The following MYBL2 variants were observed in gnomAD, a reference collection of about 807,000 sequenced individuals.
The protein encoded by MYBL2 is myb-related protein B.
A neutral mutation model predicts 79.9 loss-of-function variants in MYBL2; 28 were observed. That is an observed-to-expected ratio of 0.35 (90% CI 0.26 to 0.48). The LOEUF (loss-of-function observed/expected upper bound fraction) is 0.48. MYBL2 is among the 20% of genes least tolerant of loss of function. The pLI is 0.99. For missense variants in MYBL2, 735 were observed against 893.9 expected, an observed-to-expected ratio of 0.82 and a Z score of 2.27; for synonymous variants, 378 against 361.2, an observed-to-expected ratio of 1.05 and a Z score of -0.53.
intron 6 of MYBL2, among the ~76,000 whole-genome samples, chr20:43,697,652 C>A (rs930984371): frequency 6.6e-6 from 1 of 151,916 alleles, no homozygotes; most frequent in East Asian, 1.9e-4. Context: ...GCCTGTAATC[C>A]CAGCACTTTG....
chr20:43,669,183 C>G (rs530300695), intron 1 of MYBL2, among the ~76,000 whole-genome samples: 4 of 152,102 alleles, frequency 2.6e-5, no homozygotes, highest in Admixed American at 2.6e-4. Flanking sequence ...AGTGGCCTCG[C>G]GTTGTGTCTC....
At chr20:43,670,781 A>G (rs775413035) in intron 1 of MYBL2, among the ~76,000 whole-genome samples, 1 of 152,150 alleles carries the variant, frequency 6.6e-6, no homozygotes, top group Non-Finnish European at 1.5e-5. Flanking sequence ...CATTTGTTTC[A>G]TTTCCAAACA....
At position 43,701,628 on chromosome 20, in the gene MYBL2, AG is replaced by A. The variant is rs148363237; in HGVS notation, c.952-861del. ...ATGAAAGGGAAAGTAATGCTTCCCT[AG>A]CAGAATTGTGGGGATTGGAAATAAC... On this transcript the variant is annotated intron_variant, in intron 7 of 13. Coordinates refer to ENST00000217026, the MANE Select transcript of MYBL2 (RefSeq NM_002466.4). Among the ~76,000 whole-genome samples the A allele has an allele frequency of 7.5e-3, 1,146 of 152,348 alleles. 13 individuals carry two copies. Among genetic ancestry groups the A allele is most frequent in the African/African-American group, 0.026 (1,071 of 41,568 alleles).
chr20:43,704,830 C>T (rs1350570462), intron 8 of MYBL2, among the ~76,000 whole-genome samples: 2 of 152,176 alleles, frequency 1.3e-5, no homozygotes, highest in Admixed American at 1.3e-4. Flanking sequence ...ATGATAACCC[C>T]ACCGCCACCA....
intron 9 of MYBL2, among the ~76,000 whole-genome samples, chr20:43,707,450 C>T (rs1987816270): frequency 6.6e-6 from 1 of 152,214 alleles, no homozygotes; most frequent in African/African-American, 2.4e-5. Context: ...CAGTGCTCTT[C>T]ATTCCTCTTT....
In MYBL2 at chr20:43,700,068, A is replaced by G. The variant is rs761573924; in HGVS notation, c.951+24A>G. ...CGGTATGTTGGTCACAACACTTCACAGTGAGCACAGAACACCCCCAGCAGG... is the reference window on the plus strand; with the variant it reads ...CGGTATGTTGGTCACAACACTTCACGGTGAGCACAGAACACCCCCAGCAGG... On this transcript the variant is annotated intron_variant, in intron 7 of 13. Transcript: ENST00000217026. 22 of 1,607,740 alleles carry G rather than the reference A, an allele frequency of 1.4e-5. No homozygotes were observed. The Admixed American group carries it at 3.7e-4, about 27-fold the overall frequency.
intron 2 of MYBL2, among the ~76,000 whole-genome samples, chr20:43,675,201 A>G (rs542427784): frequency 6.6e-6 from 1 of 152,182 alleles, no homozygotes; most frequent in South Asian, 2.1e-4. Context: ...GCTGGTCTCA[A>G]ACTTCTAGGC....
chr20:43,710,143 C>G (rs978951273), intron 10 of MYBL2, 81 bp downstream of exon 10: 2 of 1,132,826 alleles, frequency 1.8e-6, no homozygotes, highest in Middle Eastern at 2.0e-4. Flanking sequence ...TCCACAGGAC[C>G]CTTCCCTCTG....
Position 43,702,755 on chromosome 20 carries a change from C to T in MYBL2, c.1217C>T (p.Pro406Leu), listed in dbSNP as rs1055914981. The T allele has an allele frequency of 1.3e-5, 21 of 1,614,050 alleles. No homozygotes were observed. The highest frequency in any genetic ancestry group is 3.3e-4 in the Middle Eastern group (2 of 6,084). ...TEVGGSGIGT[P>L]PSVLKRQRKR... ...GTCGGGGGCTCTGGCATTGGCACAC[C>T]GCCCTCTGTGCTCAAGCGGCAGAGG... Residue 406 changes from proline to leucine, a missense_variant, in exon 8 of 14, where the codon CCG becomes CTG. Transcript: ENST00000217026.
chr20:43,670,652 G>C (rs1169772516), intron 1 of MYBL2, among the ~76,000 whole-genome samples: 2 of 152,148 alleles, frequency 1.3e-5, no homozygotes, highest in Non-Finnish European at 2.9e-5. Flanking sequence ...TGCAGTGTAA[G>C]GGCCCGAGAC....
intron 1 of MYBL2, among the ~76,000 whole-genome samples, chr20:43,670,731 C>G (rs1382574706): frequency 6.6e-6 from 1 of 152,088 alleles, no homozygotes; most frequent in African/African-American, 2.4e-5. Context: ...CTTTGGAGAA[C>G]AAGGAGAAGG....
intron 10 of MYBL2, 25 bp from the exon 11 acceptor site, chr20:43,711,463 T>G (rs748211744): frequency 1.3e-6 from 2 of 1,583,928 alleles, no homozygotes; most frequent in Non-Finnish European, 1.7e-6. Context: ...GTGCCTCACG[T>G]GGGCTGCCCC....
chr20:43,684,202 T>C (rs899927262), intron 4 of MYBL2, among the ~76,000 whole-genome samples: 5 of 150,834 alleles, frequency 3.3e-5, no homozygotes, highest in Non-Finnish European at 5.9e-5. Flanking sequence ...GCTGGGATTG[T>C]AGGTATGAGC....
intron 5 of MYBL2, 64 bp downstream of exon 5, chr20:43,687,136 G>A: frequency 6.5e-7 from 1 of 1,536,546 alleles, no homozygotes; most frequent in South Asian, 1.2e-5. Flanking sequence ...TTCTGATGGA[G>A]GAGGGTTCCT....
At position 43,699,779 on chromosome 20, in the gene MYBL2, C is replaced by A; in HGVS notation, c.686C>A (p.Pro229His). Residue 229 changes from proline (P) to histidine (H), a missense_variant, in exon 7 of 14, where the codon CCC (proline) becomes CAC (histidine). Around this residue, in one of 5 missense-constraint regions of MYBL2, gnomAD observed 144 missense variants for 131.9 expected, o/e 1.09. Transcript: ENST00000217026. ...EGQGSLLTNW[P>H]SVPPTIKEEE... Reference sequence around the variant, plus strand: ...CAGGGAAGTCTTCTGACCAACTGGCCCTCCGTCCCTCCTACCATAAAGGAG... The same window carrying A: ...CAGGGAAGTCTTCTGACCAACTGGCACTCCGTCCCTCCTACCATAAAGGAG... 1 of 1,614,088 alleles carries A rather than the reference C, an allele frequency of 6.2e-7. No homozygotes were observed. The highest frequency in any genetic ancestry group is 8.5e-7 in the Non-Finnish European group (1 of 1,180,028).
chr20:43,704,611 C>G (rs67605982), intron 8 of MYBL2, among the ~76,000 whole-genome samples: 6,703 of 152,206 alleles, frequency 0.044, 154 homozygotes, highest in East Asian at 0.076. Context: ...GGGAAGAGAG[C>G]GGGGTGCTTC....
chr20:43,704,715 TGTAAAAGGGGGATA>T (rs1157071690), intron 8 of MYBL2, among the ~76,000 whole-genome samples: 1 of 152,204 alleles, frequency 6.6e-6, no homozygotes, highest in Admixed American at 6.5e-5. Flanking sequence ...TTTTCTTATC[TGTAAAAGGGGGATA>T]GTAATAGTGC....
chr20:43,682,914 C>A lies in MYBL2; in HGVS notation c.279+28C>A. ...AACTGCTGGGACAGTGCCTTGCACA[C>A]AGTGGGTCTTCACCCACCAGTGTAC... On this transcript the variant is annotated intron_variant, in intron 4 of 13. Coordinates refer to ENST00000217026, the MANE Select transcript of MYBL2 (RefSeq NM_002466.4). 1 of 1,597,146 alleles carries A rather than the reference C, an allele frequency of 6.3e-7. No homozygotes were observed. The highest frequency in any genetic ancestry group is 1.1e-5 in the South Asian group (1 of 90,690).
At chr20:43,675,147 T>A (rs998667690) in intron 2 of MYBL2, among the ~76,000 whole-genome samples, 2 of 151,690 alleles carry the variant, frequency 1.3e-5, no homozygotes, top group Non-Finnish European at 2.9e-5. Context: ...GCCTGGCTAA[T>A]TTTTGTATTT....
Sources: gnomAD v4.1 joint callset for allele counts (sites outside exome capture counted in the v4.1 genomes callset) on GRCh38, gnomAD v4.1.1 for gene constraint, gnomAD v4.1.1 regional missense constraint, MANE v1.5 for transcripts, NCBI Gene and HGNC (gene_info 2026-07-23, HGNC 2026-07-21) for gene names.